CACNA1B: variants seen among roughly 807,000 people sequenced by gnomAD.
The protein encoded by CACNA1B is voltage-dependent N-type calcium channel subunit alpha-1B.
CACNA1B carries 70 observed loss-of-function variants against 247.2 expected under a neutral mutation model. The ratio of observed to expected loss-of-function variants is 0.28; its 90% CI spans 0.23 to 0.35. The LOEUF (loss-of-function observed/expected upper bound fraction) is 0.35, where lower values mean the gene tolerates loss of function less well. Ranked by LOEUF, CACNA1B falls within the 10% of genes least tolerant of loss-of-function variation. The pLI, the probability that CACNA1B is intolerant of heterozygous loss-of-function variation, is 1.00. For synonymous variants in CACNA1B, 1,231 were observed against 1,294.4 expected, an observed-to-expected ratio of 0.95 and a Z score of 1.05; for missense variants, 2,367 against 3,197.4, an observed-to-expected ratio of 0.74 and a Z score of 6.26.
chr9:137,905,797 C>T lies in CACNA1B; in HGVS notation c.531-7383C>T, dbSNP rs1484343806. On this transcript the variant is annotated intron_variant, in intron 3 of 46. Transcript: ENST00000371372. ...CACAAACATTGCTACATTTAATTCTCAGCCTTCCTGGGGTTAAATATGCTG... is the reference window on the plus strand; with the variant it reads ...CACAAACATTGCTACATTTAATTCTTAGCCTTCCTGGGGTTAAATATGCTG... Among the ~76,000 whole-genome samples, 3 of 152,226 alleles carry T rather than the reference C, an allele frequency of 2.0e-5. No homozygotes were observed. The East Asian group carries it at 5.8e-4, about 29-fold the overall frequency.
chr9:138,078,435 G>A lies in CACNA1B; in HGVS notation c.5094+177G>A, dbSNP rs2290582. 0.034 allele frequency among the ~76,000 whole-genome samples: 5,139 copies of A among 152,294 alleles called. 225 individuals carry two copies. Among genetic ancestry groups the A allele is most frequent in the East Asian group, 0.17 (855 of 5,160 alleles). On this transcript the variant is annotated intron_variant, in intron 36 of 46. Transcript: ENST00000371372. Reference sequence around the variant, plus strand: ...GACTTTGTTAGCCAGAGAAAGGGCCGACATGGTAACGGGCTCCTGTGGGCC... The same window carrying A: ...GACTTTGTTAGCCAGAGAAAGGGCCAACATGGTAACGGGCTCCTGTGGGCC...
intron 36 of CACNA1B, among the ~76,000 whole-genome samples, chr9:138,090,951 G>T (rs952489540): frequency 2.0e-5 from 3 of 152,076 alleles, no homozygotes; most frequent in South Asian, 2.1e-4. Flanking sequence ...AGAGAAAGGA[G>T]AACTCTTATA....
intron 22 of CACNA1B, 135 bp downstream of exon 22, chr9:138,047,168 G>A (rs767118321): frequency 1.1e-6 from 1 of 870,270 alleles, no homozygotes; most frequent in Non-Finnish European, 1.8e-6. Context: ...CTGTCTGTGT[G>A]CCTGGCAGTG....
chr9:138,065,319 G>A (rs1959878158), intron 31 of CACNA1B, among the ~76,000 whole-genome samples: 1 of 152,116 alleles, frequency 6.6e-6, no homozygotes, highest in Admixed American at 6.5e-5. Flanking sequence ...AAGTCAGGCT[G>A]TATGAAAACT....
intron 3 of CACNA1B, among the ~76,000 whole-genome samples, chr9:137,897,789 C>T (rs1185428899): frequency 6.6e-6 from 1 of 151,898 alleles, no homozygotes; most frequent in Non-Finnish European, 1.5e-5. Context: ...ACACCATTCT[C>T]CTGCCTCAGC....
chr9:138,025,227 C>A, intron 20 of CACNA1B, 55 bp downstream of exon 20: 1 of 1,212,332 alleles, frequency 8.2e-7, no homozygotes, highest in South Asian at 1.3e-5. Flanking sequence ...GGTCCAGCAA[C>A]CCCCATTCCC....
chr9:138,115,412 C>T, intron 41 of CACNA1B, 140 bp from the exon 42 acceptor site: 2 of 830,374 alleles, frequency 2.4e-6, no homozygotes, highest in Non-Finnish European at 3.7e-6. Flanking sequence ...GTAAGCGGCC[C>T]CTTGCTAAGG....
chr9:138,119,253 C>T (rs759674123), intron 44 of CACNA1B, among the ~76,000 whole-genome samples: 20 of 152,132 alleles, frequency 1.3e-4, no homozygotes, highest in African/African-American at 1.7e-4. Context: ...TTGCTGGGCT[C>T]GCCTCTTTCT....
chr9:138,043,758 C>T lies in CACNA1B; in HGVS notation c.3287-16C>T. 2 of 1,613,778 alleles carry T rather than the reference C, an allele frequency of 1.2e-6. No homozygotes were observed. Among genetic ancestry groups the T allele is most frequent in the South Asian group, 1.1e-5 (1 of 91,058 alleles). On this transcript the variant is annotated splice_polypyrimidine_tract_variant and intron_variant, in intron 20 of 46. Coordinates refer to ENST00000371372, the MANE Select transcript of CACNA1B (RefSeq NM_000718.4). ...GTGCACTACACCCCTTACTCGGGGG[C>T]CCTGTGTCCTTGTAGGTGGTAACGT...
chr9:137,945,963 C>T (rs778382028), intron 6 of CACNA1B, among the ~76,000 whole-genome samples: 18 of 152,236 alleles, frequency 1.2e-4, no homozygotes, highest in Admixed American at 2.0e-4. Flanking sequence ...GGACAACAGG[C>T]GTGCATCACT....
At chr9:138,041,915 C>G (rs2133468399) in intron 20 of CACNA1B, among the ~76,000 whole-genome samples, 1 of 152,196 alleles carries the variant, frequency 6.6e-6, no homozygotes, top group East Asian at 1.9e-4. Context: ...CCAACACACC[C>G]TAATTTTTTA....
chr9:137,909,762 T>A (rs1957340043), intron 3 of CACNA1B, among the ~76,000 whole-genome samples: 1 of 150,404 alleles, frequency 6.6e-6, no homozygotes, highest in South Asian at 2.1e-4. Context: ...TATGTTTAAC[T>A]TTTTTTTTTC....
At chr9:137,935,700 C>G (rs1957657907) in intron 6 of CACNA1B, among the ~76,000 whole-genome samples, 1 of 152,218 alleles carries the variant, frequency 6.6e-6, no homozygotes, top group African/African-American at 2.4e-5. Flanking sequence ...AATGGTTGAA[C>G]TAGTTTACAC....
chr9:137,892,214 G>A, intron 3 of CACNA1B: 1 of 456,792 alleles, frequency 2.2e-6, no homozygotes, highest in Non-Finnish European at 4.4e-6. Context: ...GCACAGCCGG[G>A]CGCTGCAACA....
At chr9:137,992,346 A>C (rs571290814) in intron 15 of CACNA1B, among the ~76,000 whole-genome samples, 1 of 152,222 alleles carries the variant, frequency 6.6e-6, no homozygotes, top group East Asian at 1.9e-4. Flanking sequence ...ACAAAGAGGG[A>C]CATTATATAA....
At position 138,100,072 on chromosome 9, in the gene CACNA1B, G is replaced by A. The variant is rs550533954; in HGVS notation, c.5223-2639G>A. ...CCAGGGCATTTCTGAGGAAGGAGAG[G>A]CCATGTCTGGCCTGAAGAATGAGAG... On this transcript the variant is annotated intron_variant, in intron 37 of 46. Coordinates refer to ENST00000371372, the MANE Select transcript of CACNA1B (RefSeq NM_000718.4). The surrounding 1 kb of genome is among the most constrained non-coding windows in gnomAD (Gnocchi z 4.6). Among the ~76,000 whole-genome samples the A allele has an allele frequency of 3.2e-4, 48 of 152,344 alleles. No individual in the cohort carries two copies. The highest frequency in any genetic ancestry group is 6.3e-4 in the Non-Finnish European group (43 of 68,032).
chr9:138,108,598 C>A (rs1961517909), intron 39 of CACNA1B, among the ~76,000 whole-genome samples: 1 of 152,072 alleles, frequency 6.6e-6, no homozygotes, highest in East Asian at 1.9e-4. Flanking sequence ...AGACGAATAT[C>A]CCTTATAAAC....
At chr9:138,040,965 G>T (rs960159069) in intron 20 of CACNA1B, among the ~76,000 whole-genome samples, 1 of 152,142 alleles carries the variant, frequency 6.6e-6, no homozygotes, top group Non-Finnish European at 1.5e-5. Flanking sequence ...GTTTTCTCAA[G>T]GATGGAACAT....
chr9:138,040,908 T>A (rs1487232007), intron 20 of CACNA1B, among the ~76,000 whole-genome samples: 2 of 152,236 alleles, frequency 1.3e-5, no homozygotes, highest in Non-Finnish European at 2.9e-5. Context: ...AACTAAGGTT[T>A]TGTGAGCTAA....
Sources: gnomAD v4.1 joint callset for allele counts (sites outside exome capture counted in the v4.1 genomes callset) on GRCh38, gnomAD v4.1.1 for gene constraint, Gnocchi (gnomAD v3.1) non-coding constraint, MANE v1.5 for transcripts, NCBI Gene and HGNC (gene_info 2026-07-23, HGNC 2026-07-21) for gene names.